The following CYP39A1 variants were observed in gnomAD, a reference collection of about 807,000 sequenced individuals.
CYP39A1 encodes 24-hydroxycholesterol 7-alpha-hydroxylase.
A neutral mutation model predicts 58.1 loss-of-function variants in CYP39A1; 49 were observed. The observed-to-expected ratio is 0.84, with a 90% CI of 0.67 to 1.07. CYP39A1 has a LOEUF of 1.07. CYP39A1 is among the 50% of genes least tolerant of loss of function. The pLI is 0.00. For missense variants in CYP39A1, 531 were observed against 539.4 expected (o/e 0.98, Z 0.16); for synonymous variants, 209 against 187.6 (o/e 1.11, Z -0.93).
At chr6:46,598,154 T>C (rs1392351536) in intron 7 of CYP39A1, among the ~76,000 whole-genome samples, 1 of 152,146 alleles carries the variant, frequency 6.6e-6, no homozygotes, top group African/African-American at 2.4e-5. Context: ...CTACATGTTA[T>C]TGGTGATTCA....
At chr6:46,642,432 T>A in intron 1 of CYP39A1, 134 bp from the exon 2 acceptor site, 1 of 821,868 alleles carries the variant, frequency 1.2e-6, no homozygotes, top group Non-Finnish European at 1.8e-6. Flanking sequence ...CAATTAGTTA[T>A]AAATTTTGAT....
intron 10 of CYP39A1, among the ~76,000 whole-genome samples, chr6:46,573,741 G>T (rs1771712397): frequency 6.6e-6 from 1 of 152,140 alleles, no homozygotes; most frequent in Non-Finnish European, 1.5e-5. Flanking sequence ...CTGGAGAACA[G>T]GGCCATAATT....
At chr6:46,640,435 G>C (rs1776256765) in intron 2 of CYP39A1, among the ~76,000 whole-genome samples, 1 of 152,004 alleles carries the variant, frequency 6.6e-6, no homozygotes, top group African/African-American at 2.4e-5. Context: ...ACTTCCACCA[G>C]GAGGCCTTTC....
chr6:46,558,034 A>C (rs954765246), intron 10 of CYP39A1, among the ~76,000 whole-genome samples: 1 of 152,010 alleles, frequency 6.6e-6, no homozygotes, highest in African/African-American at 2.4e-5. Context: ...GATTAAAAAA[A>C]TTAAGTAGCC....
At chr6:46,569,366 CT>C (rs1016667979) in intron 10 of CYP39A1, among the ~76,000 whole-genome samples, 2 of 151,866 alleles carry the variant, frequency 1.3e-5, no homozygotes, top group African/African-American at 4.8e-5. Context: ...TCTTTTATTT[CT>C]TTTTTTGCCT....
chr6:46,595,707 C>T (rs1773106529), intron 8 of CYP39A1, among the ~76,000 whole-genome samples: 2 of 151,878 alleles, frequency 1.3e-5, no homozygotes, highest in African/African-American at 2.4e-5. Context: ...CTAGTAATGA[C>T]ATATTGTTTT....
intron 1 of CYP39A1, among the ~76,000 whole-genome samples, chr6:46,646,881 T>C (rs1312399374): frequency 6.6e-6 from 1 of 152,140 alleles, no homozygotes; most frequent in Non-Finnish European, 1.5e-5. Flanking sequence ...TCCCTTTTGA[T>C]GTCTGCAGTG....
intron 10 of CYP39A1, among the ~76,000 whole-genome samples, chr6:46,564,094 ATT>A (rs1771129649): frequency 9.1e-6 from 1 of 110,256 alleles, no homozygotes; most frequent in African/African-American, 6.8e-5. Context: ...TTTGTTTTTT[ATT>A]TTGTATTTTT....
Position 46,636,378 on chromosome 6 carries a change from G to A in CYP39A1, c.732+11C>T. On this transcript the variant is annotated intron_variant, in intron 5 of 11. Transcript: ENST00000275016. ...CTTTACATTAGCAAAAGAAAGGTAA[G>A]AAATACTTACCATGGAATTATCTTT... 3 of 1,541,024 alleles carry A rather than the reference G, an allele frequency of 1.9e-6. No individual in the cohort carries two copies. Among genetic ancestry groups the A allele is most frequent in the South Asian group, 2.3e-5 (2 of 85,956 alleles).
intron 10 of CYP39A1, among the ~76,000 whole-genome samples, chr6:46,574,003 T>C (rs1454666307): frequency 2.0e-5 from 3 of 152,218 alleles, no homozygotes; most frequent in Non-Finnish European, 4.4e-5. Flanking sequence ...CACATCAGAC[T>C]GATTTCTATA....
intron 7 of CYP39A1, among the ~76,000 whole-genome samples, chr6:46,610,288 T>G (rs779808633): frequency 1.5e-4 from 23 of 152,340 alleles, no homozygotes; most frequent in Middle Eastern, 3.4e-3. Context: ...TAATAAGCTT[T>G]AATAACTTAT....
intron 1 of CYP39A1, among the ~76,000 whole-genome samples, chr6:46,647,525 C>T (rs1319954509): frequency 1.3e-5 from 2 of 152,062 alleles, no homozygotes; most frequent in Admixed American, 1.3e-4. Context: ...GATCCTATGC[C>T]CACATTTTCA....
chr6:46,605,326 G>T (rs1035161964), intron 7 of CYP39A1, among the ~76,000 whole-genome samples: 2 of 152,178 alleles, frequency 1.3e-5, no homozygotes, highest in Non-Finnish European at 2.9e-5. Context: ...CAAAGCTGGG[G>T]ATTTCCAAGA....
intron 11 of CYP39A1, among the ~76,000 whole-genome samples, chr6:46,552,879 T>G (rs1174748735): frequency 6.6e-6 from 1 of 151,612 alleles, no homozygotes; most frequent in Non-Finnish European, 1.5e-5. Flanking sequence ...AAACAACATC[T>G]CTACTAAAAA....
At chr6:46,621,976 T>C (rs1465407264) in intron 7 of CYP39A1, among the ~76,000 whole-genome samples, 1 of 152,188 alleles carries the variant, frequency 6.6e-6, no homozygotes, top group Non-Finnish European at 1.5e-5. Flanking sequence ...AAGCAGGATT[T>C]ATTCCAGAAA....
At chr6:46,639,357 T>G in intron 3 of CYP39A1, 137 bp downstream of exon 3, 1 of 802,618 alleles carries the variant, frequency 1.2e-6, no homozygotes, top group Non-Finnish European at 1.9e-6. Flanking sequence ...ATTTAAAAGA[T>G]TAAAATAATC....
At chr6:46,645,546 C>A (rs1313621189) in intron 1 of CYP39A1, among the ~76,000 whole-genome samples, 1 of 152,272 alleles carries the variant, frequency 6.6e-6, no homozygotes, top group Non-Finnish European at 1.5e-5. Flanking sequence ...TGTGTCTATC[C>A]TTCTGCCAGT....
intron 10 of CYP39A1, among the ~76,000 whole-genome samples, chr6:46,580,432 G>C (rs1376239458): frequency 6.6e-6 from 1 of 152,218 alleles, no homozygotes; most frequent in East Asian, 1.9e-4. Flanking sequence ...TACCATTCTG[G>C]ACATAGGCCT....
intron 1 of CYP39A1, among the ~76,000 whole-genome samples, chr6:46,645,380 T>C (rs2150605016): frequency 6.6e-6 from 1 of 152,264 alleles, no homozygotes; most frequent in Non-Finnish European, 1.5e-5. Context: ...GTTGTTGTTT[T>C]GTTTGTTTTG....
Sources: allele counts gnomAD v4.1 joint callset (sites outside exome capture counted in the v4.1 genomes callset), GRCh38; gene constraint gnomAD v4.1.1; transcripts MANE v1.5; gene names NCBI Gene and HGNC (gene_info 2026-07-23, HGNC 2026-07-21).